CNTN5: variants seen among roughly 807,000 people sequenced by gnomAD.
The protein encoded by CNTN5 is contactin 5, also known as contactin-5.
CNTN5 carries 77 observed loss-of-function variants against 129.1 expected under a neutral mutation model. That is an observed-to-expected ratio of 0.60 (90% CI 0.50 to 0.72). CNTN5 has a LOEUF of 0.72. CNTN5 is among the 30% of genes least tolerant of loss of function. The pLI is 0.00. For missense variants in CNTN5, 1,478 were observed against 1,328.8 expected (o/e 1.11, Z -1.75); for synonymous variants, 509 against 465.6 (o/e 1.09, Z -1.20).
intron 23 of CNTN5, among the ~76,000 whole-genome samples, chr11:100,346,108 G>A (rs1347837537): frequency 6.6e-6 from 1 of 152,076 alleles, no homozygotes; most frequent in Non-Finnish European, 1.5e-5. Flanking sequence ...ATATATAAAT[G>A]ATTGGGAAAA....
chr11:99,057,699 GA>G (rs1178590805), intron 1 of CNTN5, among the ~76,000 whole-genome samples: 26 of 151,574 alleles, frequency 1.7e-4, no homozygotes, highest in African/African-American at 5.8e-4. Flanking sequence ...AAAAGAAGTG[GA>G]AAAAAAGTGC....
chr11:99,046,920 A>G (rs1335318708), intron 1 of CNTN5, among the ~76,000 whole-genome samples: 1 of 152,112 alleles, frequency 6.6e-6, no homozygotes, highest in African/African-American at 2.4e-5. Context: ...CCCTTATTTT[A>G]TCTCAGAAAT....
chr11:100,300,259 T>G (rs187868925), intron 20 of CNTN5, among the ~76,000 whole-genome samples: 3 of 151,578 alleles, frequency 2.0e-5, no homozygotes, highest in Admixed American at 1.3e-4. Context: ...ATTTTCTGGG[T>G]GAAAGTATAA....
chr11:100,303,581 CTTTA>C (rs1951280590), intron 20 of CNTN5, among the ~76,000 whole-genome samples: 1 of 151,252 alleles, frequency 6.6e-6, no homozygotes. Flanking sequence ...ATCCTTTATC[CTTTA>C]TCCTTTCTAG....
At chr11:99,738,636 T>TGTGTGTGTGTGTGTGTGTGTGTGC (rs1943789264) in intron 3 of CNTN5, among the ~76,000 whole-genome samples, 2 of 151,488 alleles carry the variant, frequency 1.3e-5, no homozygotes, top group African/African-American at 4.9e-5. Context: ...TGTGTGTGTG[T>TGTGTGTGTGTGTGTGTGTGTGTGC]GTGTGTATGT....
At chr11:99,241,707 A>G (rs1861568269) in intron 1 of CNTN5, among the ~76,000 whole-genome samples, 1 of 152,208 alleles carries the variant, frequency 6.6e-6, no homozygotes. Context: ...TTGTTGCTGA[A>G]TAAGTTGACA....
chr11:100,070,666 T>C, intron 11 of CNTN5, 106 bp downstream of exon 11: 1 of 976,172 alleles, frequency 1.0e-6, no homozygotes, highest in Non-Finnish European at 1.5e-6. Context: ...CTGTTTCTGA[T>C]TCGTATAATA....
At chr11:99,568,804 C>T (rs950881859) in intron 3 of CNTN5, among the ~76,000 whole-genome samples, 1 of 152,114 alleles carries the variant, frequency 6.6e-6, no homozygotes, top group Non-Finnish European at 1.5e-5. Context: ...GAGAAAAATC[C>T]TATTTTGCTA....
intron 2 of CNTN5, among the ~76,000 whole-genome samples, chr11:99,526,679 T>C (rs1947499948): frequency 6.6e-6 from 1 of 152,212 alleles, no homozygotes; most frequent in Non-Finnish European, 1.5e-5. Context: ...TAGTACCTAT[T>C]AATGTTATAT....
chr11:99,898,036 G>A (rs1949254130), intron 6 of CNTN5, among the ~76,000 whole-genome samples: 1 of 152,016 alleles, frequency 6.6e-6, no homozygotes, highest in African/African-American at 2.4e-5. Flanking sequence ...AATGAAAATA[G>A]CAACATAACA....
At chr11:99,719,220 G>T (rs1373119524) in intron 3 of CNTN5, among the ~76,000 whole-genome samples, 1 of 151,906 alleles carries the variant, frequency 6.6e-6, no homozygotes, top group Non-Finnish European at 1.5e-5. Context: ...TCAGGAGGCT[G>T]ATGCATGAAA....
chr11:99,119,172 T>C (rs1858185737), intron 1 of CNTN5, among the ~76,000 whole-genome samples: 2 of 151,924 alleles, frequency 1.3e-5, no homozygotes, highest in African/African-American at 4.9e-5. Flanking sequence ...GGTTCAGTGG[T>C]ACATGTGCAG....
chr11:99,938,425 T>C (rs1199324422), intron 7 of CNTN5, among the ~76,000 whole-genome samples: 4 of 152,188 alleles, frequency 2.6e-5, no homozygotes, highest in African/African-American at 7.2e-5. Flanking sequence ...ACGGTTACTA[T>C]GTAATATTTG....
At chr11:99,829,837 G>C (rs1947081521) in intron 4 of CNTN5, among the ~76,000 whole-genome samples, 1 of 152,122 alleles carries the variant, frequency 6.6e-6, no homozygotes, top group Non-Finnish European at 1.5e-5. Context: ...GCTCTTATGA[G>C]TTAACACCTC....
At chr11:100,046,299 C>T (rs1942672363) in intron 9 of CNTN5, among the ~76,000 whole-genome samples, 1 of 152,128 alleles carries the variant, frequency 6.6e-6, no homozygotes, top group African/African-American at 2.4e-5. Context: ...AGAACTAAAA[C>T]AGTACCAAGA....
chr11:99,907,606 A>T (rs1949544065), intron 6 of CNTN5, among the ~76,000 whole-genome samples: 1 of 151,724 alleles, frequency 6.6e-6, no homozygotes, highest in African/African-American at 2.4e-5. Flanking sequence ...TATATCTTTT[A>T]TTATATGTCA....
intron 3 of CNTN5, among the ~76,000 whole-genome samples, chr11:99,774,848 C>T (rs1378002442): frequency 1.3e-5 from 2 of 151,978 alleles, no homozygotes; most frequent in Non-Finnish European, 2.9e-5. Context: ...ACATTAAAGC[C>T]ATTATAACAA....
rs544275291 is a variant in CNTN5, at chr11:99,380,644, C to G, written c.-71+55160C>G. 4.0e-5 allele frequency among the ~76,000 whole-genome samples: 6 copies of G among 151,630 alleles called. No individual in the cohort carries two copies. The South Asian group carries it at 1.3e-3, about 32-fold the overall frequency. On this transcript the variant is annotated intron_variant, in intron 2 of 24. Coordinates refer to ENST00000524871, the MANE Select transcript of CNTN5 (RefSeq NM_014361.4). ...ATTAGCTGGGCGTTGTGGTGTGCTC[C>G]TGTAATCCCAGCTACTCATGAGGCA...
chr11:99,246,956 G>A (rs939627145), intron 1 of CNTN5, among the ~76,000 whole-genome samples: 4 of 152,056 alleles, frequency 2.6e-5, no homozygotes, highest in Non-Finnish European at 5.9e-5. Flanking sequence ...CCTAACTTTG[G>A]CTGAAACCTT....
Sources: gnomAD v4.1 joint callset for allele counts (sites outside exome capture counted in the v4.1 genomes callset) on GRCh38, gnomAD v4.1.1 for gene constraint, MANE v1.5 for transcripts, NCBI Gene and HGNC (gene_info 2026-07-23, HGNC 2026-07-21) for gene names.